HMGCLL1: variants seen among roughly 807,000 people sequenced by gnomAD.
The protein encoded by HMGCLL1 is 3-hydroxymethyl-3-methylglutaryl-CoA lyase, cytoplasmic.
In HMGCLL1, 36 loss-of-function variants were observed where a neutral mutation model predicts 39.1. The ratio of observed to expected loss-of-function variants is 0.92; its 90% CI spans 0.71 to 1.22. The LOEUF (loss-of-function observed/expected upper bound fraction) is 1.22, where lower values mean the gene tolerates loss of function less well. HMGCLL1 is among the 50% of genes most tolerant of loss of function. The pLI is 0.00. For missense variants in HMGCLL1, 451 were observed against 416.5 expected (o/e 1.08, Z -0.72); for synonymous variants, 149 against 144.0 (o/e 1.03, Z -0.25).
chr6:55,579,264 G>C (rs1057208545), upstream of HMGCLL1: 7 of 590,854 alleles, frequency 1.2e-5, no homozygotes, highest in South Asian at 2.0e-5. Context: ...GCGGGTGCAC[G>C]GGGCACCTGC....
intron 5 of HMGCLL1, among the ~76,000 whole-genome samples, chr6:55,510,590 A>G (rs1767403964): frequency 7.3e-6 from 1 of 137,788 alleles, no homozygotes; most frequent in Non-Finnish European, 1.5e-5. Context: ...GAATTGAACA[A>G]TGAGAACACA....
chr6:55,547,168 G>A (rs1770025547), intron 1 of HMGCLL1, among the ~76,000 whole-genome samples: 1 of 151,960 alleles, frequency 6.6e-6, no homozygotes, highest in South Asian at 2.1e-4. Context: ...CAACTATTGA[G>A]TTATGGTTGA....
At chr6:55,463,649 G>A (rs1319027719) in intron 7 of HMGCLL1, among the ~76,000 whole-genome samples, 1 of 152,096 alleles carries the variant, frequency 6.6e-6, no homozygotes, top group African/African-American at 2.4e-5. Context: ...TTACATATTT[G>A]AAACTAAATG....
chr6:55,444,414 C>A (rs1400864025), intron 7 of HMGCLL1, among the ~76,000 whole-genome samples: 1 of 151,948 alleles, frequency 6.6e-6, no homozygotes, highest in Non-Finnish European at 1.5e-5. Context: ...TATATAAAGA[C>A]TCATCACAGT....
In HMGCLL1 at chr6:55,516,522, C is replaced by T. The variant is rs984235918; in HGVS notation, c.379G>A (p.Gly127Ser). Reference sequence around the variant, plus strand: ...AGCACACTTACAGCATGGTGAAAACCCTGAAGATTAGGAGTAAGGACAGGA... The same window carrying T: ...AGCACACTTACAGCATGGTGAAAACTCTGAAGATTAGGAGTAAGGACAGGA... ...RYPVLTPNLQ[G>S]FHHAVAAGAT... Residue 127 changes from glycine to serine, a missense_variant, in exon 4 of 9, where the codon GGT becomes AGT. Coordinates refer to ENST00000274901, the MANE Select transcript of HMGCLL1 (RefSeq NM_001042406.2). 4.4e-6 allele frequency: 7 copies of T among 1,588,392 alleles called. No homozygotes were observed. Among genetic ancestry groups the T allele is most frequent in the Non-Finnish European group, 6.0e-6 (7 of 1,162,924 alleles).
At chr6:55,667,835 C>T in the HMGCLL1 span, among the ~76,000 whole-genome samples, 2 of 151,626 alleles carry the variant, frequency 1.3e-5, no homozygotes, top group African/African-American at 2.4e-5. Context: ...TAATAGATCA[C>T]ATATTGTTAG....
At chr6:55,521,232 T>C (rs1213308111) in intron 3 of HMGCLL1, among the ~76,000 whole-genome samples, 2 of 152,102 alleles carry the variant, frequency 1.3e-5, no homozygotes, top group African/African-American at 4.8e-5. Context: ...CTCACCCAAA[T>C]TCCCTGAGAT....
At chr6:55,544,068 G>A (rs1027382597) in intron 1 of HMGCLL1, among the ~76,000 whole-genome samples, 17 of 151,930 alleles carry the variant, frequency 1.1e-4, no homozygotes, top group Non-Finnish European at 4.4e-5. Flanking sequence ...CCTAAGTGTC[G>A]CTCCCTGAAA....
chr6:55,473,479 C>T (rs1765135767), intron 7 of HMGCLL1, among the ~76,000 whole-genome samples: 1 of 151,256 alleles, frequency 6.6e-6, no homozygotes, highest in South Asian at 2.1e-4. Flanking sequence ...TAATACTATA[C>T]CATTTCATGT....
chr6:55,569,832 C>T (rs1771388509), intron 1 of HMGCLL1, among the ~76,000 whole-genome samples: 1 of 152,110 alleles, frequency 6.6e-6, no homozygotes, highest in Admixed American at 6.5e-5. Flanking sequence ...GAGACAAAGC[C>T]GCACTCCCCT....
the HMGCLL1 span, among the ~76,000 whole-genome samples, chr6:55,632,325 T>C: frequency 6.6e-6 from 1 of 151,768 alleles, no homozygotes; most frequent in Non-Finnish European, 1.5e-5. Context: ...TGGAGAATAA[T>C]ACAGCTACTC....
the HMGCLL1 span, among the ~76,000 whole-genome samples, chr6:55,649,752 G>A: frequency 1.3e-5 from 2 of 151,534 alleles, no homozygotes; most frequent in African/African-American, 4.8e-5. Flanking sequence ...AGATCTTCTT[G>A]GTATGCTTCA....
chr6:55,589,263 C>T, the HMGCLL1 span, among the ~76,000 whole-genome samples: 50 of 152,152 alleles, frequency 3.3e-4, no homozygotes, highest in Middle Eastern at 0.01. Flanking sequence ...CACAAATCAA[C>T]AAACGTAATC....
intron 7 of HMGCLL1, among the ~76,000 whole-genome samples, chr6:55,447,188 A>G (rs958337573): frequency 2.6e-5 from 4 of 151,882 alleles, no homozygotes; most frequent in African/African-American, 9.7e-5. Context: ...CTCAACCAAG[A>G]CTCTAAATAG....
chr6:55,639,060 A>G, the HMGCLL1 span, among the ~76,000 whole-genome samples: 1 of 152,118 alleles, frequency 6.6e-6, no homozygotes, highest in Non-Finnish European at 1.5e-5. Context: ...TCTAGTTATA[A>G]TTAGTAATAA....
At chr6:55,627,881 TTATA>T in the HMGCLL1 span, among the ~76,000 whole-genome samples, 3 of 43,482 alleles carry the variant, frequency 6.9e-5, no homozygotes, top group South Asian at 6.0e-4. Context: ...ATAAACTCCC[TTATA>T]TATATATATA....
intron 5 of HMGCLL1, among the ~76,000 whole-genome samples, chr6:55,511,222 C>T (rs1561926875): frequency 6.6e-6 from 1 of 152,040 alleles, no homozygotes; most frequent in Admixed American, 6.6e-5. Flanking sequence ...ACATGAACTG[C>T]ACATTAAAAA....
chr6:55,560,209 T>C (rs1770880711), intron 1 of HMGCLL1, among the ~76,000 whole-genome samples: 1 of 152,176 alleles, frequency 6.6e-6, no homozygotes, highest in South Asian at 2.1e-4. Flanking sequence ...GATCAAAGCC[T>C]TGGATTTCCA....
intron 7 of HMGCLL1, among the ~76,000 whole-genome samples, chr6:55,493,721 TTTTTTG>T (rs1202424450): frequency 7.7e-5 from 9 of 117,440 alleles, no homozygotes; most frequent in Non-Finnish European, 1.6e-4. Flanking sequence ...TGTTTTTGTT[TTTTTTG>T]TTTTTGTTTT....
Sources: gnomAD v4.1 joint callset for allele counts (sites outside exome capture counted in the v4.1 genomes callset) on GRCh38, gnomAD v4.1.1 for gene constraint, MANE v1.5 for transcripts, NCBI Gene and HGNC (gene_info 2026-07-23, HGNC 2026-07-21) for gene names.